Variants in TPMT observed in about 807,000 individuals in gnomAD.
TPMT encodes thiopurine S-methyltransferase.
Under a neutral mutation model 34.2 loss-of-function variants are expected in TPMT, and 18 were observed. The observed-to-expected ratio is 0.53, with a 90% confidence interval of 0.36 to 0.78. The LOEUF is 0.78. Ranked by LOEUF, TPMT falls within the 30% of genes least tolerant of loss-of-function variation. The probability of loss-of-function intolerance (pLI) is 0.00; values close to 1 mark genes in which losing one functional copy is unlikely to be tolerated. For synonymous variants in TPMT, 69 were observed against 92.4 expected (o/e 0.75, Z 1.45); for missense variants, 265 against 288.1 (o/e 0.92, Z 0.58).
In TPMT at chr6:18,145,856, T is replaced by C. The variant is rs1361740877; in HGVS notation, c.233+1967A>G. Among the ~76,000 whole-genome samples the C allele has an allele frequency of 6.6e-6, 1 of 152,178 alleles. No individual in the cohort carries two copies. The highest frequency in any genetic ancestry group is 2.4e-5 in the African/African-American group (1 of 41,458). On this transcript the variant is annotated intron_variant, in intron 3 of 8. Coordinates refer to ENST00000309983, the MANE Select transcript of TPMT (RefSeq NM_000367.5). This position sits in a 1 kb window ranked among gnomAD's most constrained non-coding sequence, Gnocchi z 5.6. ...AAATAAGACCAAGTGTGGTGGCTTA[T>C]GCCTGTTATCCCAGCATGTTGGGAG... is the stretch of plus-strand genomic sequence containing the variant.
chr6:18,131,788 T>C lies in TPMT; in HGVS notation c.625+345A>G, dbSNP rs1457545274. On this transcript the variant is annotated intron_variant, in intron 8 of 8. Transcript: ENST00000309983. The surrounding 1 kb of genome is among the most constrained non-coding windows in gnomAD (Gnocchi z 4.3). ...TATACTAATAGTTCACAATAGGTTT[T>C]TTTTTTTTAGATGGAGTCTCACTCT... 6.6e-6 allele frequency among the ~76,000 whole-genome samples: 1 copy of C among 152,174 alleles called. No individual in the cohort carries two copies. The highest frequency in any genetic ancestry group is 1.5e-5 in the Non-Finnish European group (1 of 68,030).
Position 18,138,040 on chromosome 6 carries a change from A to C in TPMT, c.494+923T>G, listed in dbSNP as rs1028826005. 3.3e-5 allele frequency among the ~76,000 whole-genome samples: 5 copies of C among 152,162 alleles called. No individual in the cohort carries two copies. Among genetic ancestry groups the C allele is most frequent in the Non-Finnish European group, 2.9e-5 (2 of 68,026 alleles). The stretch of plus-strand genomic sequence containing the variant: ...GGCGATCCGCCCACCTTGGCCTCCC[A>C]AAGTGCTAGGATTACAGGCGTGAGC... On this transcript the variant is annotated intron_variant, in intron 6 of 8. Coordinates refer to ENST00000309983, the MANE Select transcript of TPMT (RefSeq NM_000367.5). The surrounding 1 kb of genome is among the most constrained non-coding windows in gnomAD (Gnocchi z 4.1).
chr6:18,152,516 T>C (rs1365224264), intron 1 of TPMT, among the ~76,000 whole-genome samples: 1 of 152,080 alleles, frequency 6.6e-6, no homozygotes, highest in African/African-American at 2.4e-5. Flanking sequence ...AAAAGACATG[T>C]ACAATGTAAA....
Position 18,145,977 on chromosome 6 carries a change from A to C in TPMT, c.233+1846T>G, listed in dbSNP as rs1334074274. ...GTGACAGAGTGGGACTGTCTCAAAA[A>C]ACCAAAAACCTAAACCTAAATATCT... On this transcript the variant is annotated intron_variant, in intron 3 of 8. Transcript: ENST00000309983. This position sits in a 1 kb window ranked among gnomAD's most constrained non-coding sequence, Gnocchi z 5.6. Among the ~76,000 whole-genome samples the C allele has an allele frequency of 6.6e-6, 1 of 152,122 alleles. No homozygotes were observed. Among genetic ancestry groups the C allele is most frequent in the African/African-American group, 2.4e-5 (1 of 41,430 alleles).
rs1323822398 is a variant in TPMT at position 18,146,352 on chromosome 6, G to A, written c.233+1471C>T. On this transcript the variant is annotated intron_variant, in intron 3 of 8. Transcript: ENST00000309983. The surrounding 1 kb of genome is among the most constrained non-coding windows in gnomAD (Gnocchi z 6.2). ...GTAGTTGGGATTACAAGCGTACGCT[G>A]CCATGCCTGGCTAATTTTTGTATTT... Among the ~76,000 whole-genome samples the A allele has an allele frequency of 1.3e-5, 2 of 151,976 alleles. No homozygotes were observed. The highest frequency in any genetic ancestry group is 2.9e-5 in the Non-Finnish European group (2 of 68,004).
In TPMT at chr6:18,138,441, A is replaced by T. The variant is rs1393580070; in HGVS notation, c.494+522T>A. ...ACCACCACGGTCGGATAATTTTAAA[A>T]ATATTTTGTAGAGGTGGCGTCTTGC... On this transcript the variant is annotated intron_variant, in intron 6 of 8. Transcript: ENST00000309983. This position sits in a 1 kb window ranked among gnomAD's most constrained non-coding sequence, Gnocchi z 4.1. Among the ~76,000 whole-genome samples, 1 of 151,864 alleles carries T rather than the reference A, an allele frequency of 6.6e-6. No homozygotes were observed. Among genetic ancestry groups the T allele is most frequent in the Non-Finnish European group, 1.5e-5 (1 of 67,984 alleles).
In TPMT at chr6:18,146,657, T is replaced by G. The variant is rs184341418; in HGVS notation, c.233+1166A>C. Among the ~76,000 whole-genome samples, 514 of 152,326 alleles carry G rather than the reference T, an allele frequency of 3.4e-3. 1 individual carries two copies. The highest frequency in any genetic ancestry group is 0.02 in the Middle Eastern group (6 of 294). ...ATGACAATCTGTTTATAGAGTTAAT[T>G]TTTTTTGAGGGTAATTTTGAAAGTA... is the stretch of plus-strand genomic sequence containing the variant. On this transcript the variant is annotated intron_variant, in intron 3 of 8. Transcript: ENST00000309983. This position sits in a 1 kb window ranked among gnomAD's most constrained non-coding sequence, Gnocchi z 6.2.
chr6:18,133,142 T>C (rs1783978171), intron 7 of TPMT, among the ~76,000 whole-genome samples: 1 of 152,080 alleles, frequency 6.6e-6, no homozygotes, highest in East Asian at 1.9e-4. Context: ...TGTAAATATT[T>C]ACAAAACAAG....
At position 18,128,581 on chromosome 6, in the gene TPMT, G is replaced by C. The variant is rs1002552053; in HGVS notation, c.*2087C>G. On this transcript the variant is annotated 3_prime_UTR_variant, in exon 9 of 9. Transcript: ENST00000309983. The surrounding 1 kb of genome is among the most constrained non-coding windows in gnomAD (Gnocchi z 4.6). ...TGAAAATGGACCCAGGACGCAGGTG[G>C]CCTCTCTTTGGTTCTCATCTCTTTC... 6.6e-6 allele frequency: 1 copy of C among 152,300 alleles called. No individual in the cohort carries two copies. The highest frequency in any genetic ancestry group is 2.4e-5 in the African/African-American group (1 of 41,464). The allele number at this position is 152,300 out of a possible 1,614,324, so 9.4% of individuals were successfully genotyped here. A position where few individuals can be genotyped will look rare whatever the true frequency, so the allele number is the denominator to read the frequency against.
intron 7 of TPMT, among the ~76,000 whole-genome samples, chr6:18,133,468 G>T (rs887120883): frequency 6.6e-6 from 1 of 152,168 alleles, no homozygotes; most frequent in Non-Finnish European, 1.5e-5. Flanking sequence ...TGGGTGATAC[G>T]GATATGCAAT....
In TPMT at chr6:18,143,531, TACTC is replaced by T; in HGVS notation, c.366+61_366+64del. On this transcript the variant is annotated intron_variant, in intron 4 of 8. Coordinates refer to ENST00000309983, the MANE Select transcript of TPMT (RefSeq NM_000367.5). The surrounding 1 kb of genome is among the most constrained non-coding windows in gnomAD (Gnocchi z 6.1). ...GGACACATGAATGGTATCCTCATAATACTCACACTGAGAAAAACTTTTGTGGGGA... is the reference window on the plus strand; with the variant it reads ...GGACACATGAATGGTATCCTCATAATACACTGAGAAAAACTTTTGTGGGGA... 1 of 1,594,928 alleles carries T rather than the reference TACTC, an allele frequency of 6.3e-7. No individual in the cohort carries two copies. The highest frequency in any genetic ancestry group is 2.3e-4 in the Middle Eastern group (1 of 4,416).
Position 18,150,203 on chromosome 6 carries a change from C to T in TPMT, c.-44-1032G>A, listed in dbSNP as rs553433997. 1.1e-4 allele frequency among the ~76,000 whole-genome samples: 17 copies of T among 152,156 alleles called. No individual in the cohort carries two copies. Among genetic ancestry groups the T allele is most frequent in the Non-Finnish European group, 2.2e-4 (15 of 68,030 alleles). On this transcript the variant is annotated intron_variant, in intron 1 of 8. Transcript: ENST00000309983. This position sits in a 1 kb window ranked among gnomAD's most constrained non-coding sequence, Gnocchi z 5.3. ...AAACCTCAGAGAAATACTTAGTTAT[C>T]TTTGCACATTTATTATAAAGGATAC...
In TPMT at chr6:18,139,381, T is replaced by C. The variant is rs1459478447; in HGVS notation, c.419+284A>G. Among the ~76,000 whole-genome samples, 1 of 152,192 alleles carries C rather than the reference T, an allele frequency of 6.6e-6. No individual in the cohort carries two copies. The highest frequency in any genetic ancestry group is 1.5e-5 in the Non-Finnish European group (1 of 68,036). On this transcript the variant is annotated intron_variant, in intron 5 of 8. Transcript: ENST00000309983. This position sits in a 1 kb window ranked among gnomAD's most constrained non-coding sequence, Gnocchi z 4.2. ...TCTCCCTTGGCTACTTGAAATTCAT[T>C]TCTATTACAGGCCCAGGTGCAAGGT...
intron 6 of TPMT, among the ~76,000 whole-genome samples, chr6:18,137,365 G>A (rs930615750): frequency 6.6e-6 from 1 of 152,134 alleles, no homozygotes; most frequent in Non-Finnish European, 1.5e-5. Context: ...TCGAACTCCT[G>A]ACCTCATGAT....
Position 18,139,690 on chromosome 6 carries a change from A to C in TPMT, c.394T>G (p.Cys132Gly). The change falls in exon 5 of 9, where the codon TGT becomes GGT. Residue 132 changes from cysteine (C) to glycine (G), a missense_variant. Coordinates refer to ENST00000309983, the MANE Select transcript of TPMT (RefSeq NM_000367.5). The surrounding 1 kb of genome is among the most constrained non-coding windows in gnomAD (Gnocchi z 4.2). ...KSSSGNISLY[C>G]CSIFDLPRTN... ...CTGGGAAGATCAAAAATACTGCAACAGTACAATGAAATGTTCCCCGAAGAA... is the reference window on the plus strand; with the variant it reads ...CTGGGAAGATCAAAAATACTGCAACCGTACAATGAAATGTTCCCCGAAGAA... 6.2e-7 allele frequency: 1 copy of C among 1,613,734 alleles called. No individual in the cohort carries two copies. Among genetic ancestry groups the C allele is most frequent in the Non-Finnish European group, 8.5e-7 (1 of 1,179,882 alleles).
At position 18,149,982 on chromosome 6, in the gene TPMT, C is replaced by T. The variant is rs549413016; in HGVS notation, c.-44-811G>A. 2.0e-5 allele frequency among the ~76,000 whole-genome samples: 3 copies of T among 152,220 alleles called. No homozygotes were observed. The South Asian group carries it at 6.2e-4, about 32-fold the overall frequency. Reference sequence around the variant, plus strand: ...CCCCCAGCACACCAAATATTGGACACCAGTTGGGTATCTTCTGATTTAATT... The same window carrying T: ...CCCCCAGCACACCAAATATTGGACATCAGTTGGGTATCTTCTGATTTAATT... On this transcript the variant is annotated intron_variant, in intron 1 of 8. Transcript: ENST00000309983. This position sits in a 1 kb window ranked among gnomAD's most constrained non-coding sequence, Gnocchi z 5.0.
rs1399513401 is a variant in TPMT at position 18,148,117 on chromosome 6, T to G, written c.141-202A>C. 6.6e-6 allele frequency among the ~76,000 whole-genome samples: 1 copy of G among 152,200 alleles called. No individual in the cohort carries two copies. Among genetic ancestry groups the G allele is most frequent in the Non-Finnish European group, 1.5e-5 (1 of 68,032 alleles). ...GTAAATCTGACTTACACCCAGGGCT[T>G]TCCTGATTAGTAATTAAAAATAATT... is the stretch of plus-strand genomic sequence containing the variant. On this transcript the variant is annotated intron_variant, in intron 2 of 8. Transcript: ENST00000309983. The surrounding 1 kb of genome is among the most constrained non-coding windows in gnomAD (Gnocchi z 4.1).
chr6:18,152,643 C>CAG (rs1390450303), intron 1 of TPMT, among the ~76,000 whole-genome samples: 1 of 150,084 alleles, frequency 6.7e-6, no homozygotes, highest in Non-Finnish European at 1.5e-5. Context: ...GGCTGGAGTG[C>CAG]AGTGGTGCGA....
rs1438321448 is a variant in TPMT at position 18,154,656 on chromosome 6, C to A, written c.-45+377G>T. Among the ~76,000 whole-genome samples the A allele has an allele frequency of 6.6e-6, 1 of 152,052 alleles. No homozygotes were observed. Among genetic ancestry groups the A allele is most frequent in the Non-Finnish European group, 1.5e-5 (1 of 68,028 alleles). ...AGCGTGGTGCAGCGAGCCTGTAGTC[C>A]CAGTTACCGAGGAGGCTGGGGCGGG... On this transcript the variant is annotated intron_variant, in intron 1 of 8. Coordinates refer to ENST00000309983, the MANE Select transcript of TPMT (RefSeq NM_000367.5). The surrounding 1 kb of genome is among the most constrained non-coding windows in gnomAD (Gnocchi z 4.2).
Sources: gnomAD v4.1 joint callset for allele counts (sites outside exome capture counted in the v4.1 genomes callset) on GRCh38, gnomAD v4.1.1 for gene constraint, Gnocchi (gnomAD v3.1) non-coding constraint, MANE v1.5 for transcripts, NCBI Gene and HGNC (gene_info 2026-07-23, HGNC 2026-07-21) for gene names.